Variants in ANKS1B observed in about 807,000 individuals in gnomAD.
ANKS1B encodes ankyrin repeat and sterile alpha motif domain containing 1B.
Under a neutral mutation model 148.3 loss-of-function variants are expected in ANKS1B, and 36 were observed. That is an observed-to-expected ratio of 0.24 (90% confidence interval 0.19 to 0.32). ANKS1B has a LOEUF of 0.32. Ranked by LOEUF, ANKS1B falls within the 10% of genes least tolerant of loss-of-function variation. The pLI is 1.00. For synonymous variants in ANKS1B, 542 were observed against 560.8 expected (o/e 0.97, Z 0.47); for missense variants, 1,157 against 1,542.6 (o/e 0.75, Z 4.19).
intron 17 of ANKS1B, among the ~76,000 whole-genome samples, chr12:98,885,289 T>A (rs1264280034): frequency 6.6e-6 from 1 of 152,090 alleles, no homozygotes; most frequent in Non-Finnish European, 1.5e-5. Context: ...ATAATAAACT[T>A]CAAAACTGGC....
intron 14 of ANKS1B, among the ~76,000 whole-genome samples, chr12:99,157,016 T>C (rs1566508798): frequency 6.6e-6 from 1 of 152,220 alleles, no homozygotes; most frequent in Non-Finnish European, 1.5e-5. Context: ...GTCTGTCTTT[T>C]AGCTCATCAT....
intron 17 of ANKS1B, among the ~76,000 whole-genome samples, chr12:98,833,417 G>T (rs998035500): frequency 2.6e-5 from 4 of 152,112 alleles, no homozygotes; most frequent in African/African-American, 9.7e-5. Context: ...ATAAAAATGT[G>T]TTTACCTCTT....
rs1427966419 is a variant in ANKS1B at position 99,660,256 on chromosome 12, T to C, written c.1129-5046A>G. On this transcript the variant is annotated intron_variant, in intron 8 of 26. Transcript: ENST00000683438. ...CATTCAGTGGGTGTACTTCCAGACT[T>C]TGTAATACTTACTCTACTTGCCTGA... Among the ~76,000 whole-genome samples, 3 of 152,336 alleles carry C rather than the reference T, an allele frequency of 2.0e-5. No homozygotes were observed. In the East Asian group the frequency reaches 5.8e-4, roughly 29 times the overall value.
At chr12:98,894,610 G>A in intron 17 of ANKS1B, 1 of 984,954 alleles carries the variant, frequency 1.0e-6, no homozygotes, top group Non-Finnish European at 1.2e-6. Context: ...GAGCGAGGGG[G>A]CCGCTGTGCC....
Position 98,884,180 on chromosome 12 carries a change from C to T in ANKS1B, c.2779-52044G>A, listed in dbSNP as rs577363314. Among the ~76,000 whole-genome samples the T allele has an allele frequency of 1.2e-4, 18 of 152,304 alleles. No homozygotes were observed. The East Asian group carries it at 3.3e-3, about 28-fold the overall frequency. On this transcript the variant is annotated intron_variant, in intron 17 of 26. Transcript: ENST00000683438. Reference sequence around the variant, plus strand: ...AGTCAAAATGGTATCCCAAAGGAAACACTTTACTAGTGTTAGTGTATAGAC... The same window carrying T: ...AGTCAAAATGGTATCCCAAAGGAAATACTTTACTAGTGTTAGTGTATAGAC...
chr12:99,372,736 T>A lies in ANKS1B; in HGVS notation c.1756+26895A>T, dbSNP rs547647191. Among the ~76,000 whole-genome samples, 7 of 152,296 alleles carry A rather than the reference T, an allele frequency of 4.6e-5. No individual in the cohort carries two copies. The South Asian group carries it at 1.4e-3, about 32-fold the overall frequency. On this transcript the variant is annotated intron_variant, in intron 12 of 26. Coordinates refer to ENST00000683438, the MANE Select transcript of ANKS1B (RefSeq NM_001352186.2). ...CAATTTCTGGCTCTGCATAAAATGTTACTGCAAAAGTACACTGTGTCAAGT... is the reference window on the plus strand; with the variant it reads ...CAATTTCTGGCTCTGCATAAAATGTAACTGCAAAAGTACACTGTGTCAAGT...
chr12:99,273,884 C>CT (rs923408131), intron 12 of ANKS1B, among the ~76,000 whole-genome samples: 4 of 151,962 alleles, frequency 2.6e-5, no homozygotes, highest in Non-Finnish European at 4.4e-5. Flanking sequence ...GGCACCCGGC[C>CT]TTTTTTGTGA....
At chr12:99,978,299 T>C (rs1419798613) in intron 1 of ANKS1B, among the ~76,000 whole-genome samples, 2 of 152,212 alleles carry the variant, frequency 1.3e-5, no homozygotes, top group African/African-American at 4.8e-5. Flanking sequence ...AGTCACTGGC[T>C]GGCTGCCCTA....
At chr12:99,689,876 C>T (rs1477281619) in intron 8 of ANKS1B, among the ~76,000 whole-genome samples, 1 of 152,218 alleles carries the variant, frequency 6.6e-6, no homozygotes, top group Non-Finnish European at 1.5e-5. Context: ...TAAAAGACAA[C>T]TTGATTGCAG....
intron 12 of ANKS1B, among the ~76,000 whole-genome samples, chr12:99,390,916 G>T (rs762508409): frequency 3.9e-5 from 6 of 152,198 alleles, no homozygotes; most frequent in Non-Finnish European, 8.8e-5. Flanking sequence ...GACTCAGAGG[G>T]ACCACTTTGC....
intron 14 of ANKS1B, among the ~76,000 whole-genome samples, chr12:99,235,048 G>C (rs906795731): frequency 2.0e-5 from 3 of 152,090 alleles, no homozygotes; most frequent in Non-Finnish European, 4.4e-5. Context: ...ATTCTTTGGG[G>C]ACTGAGTCTC....
chr12:99,928,524 C>T (rs1406752822), intron 1 of ANKS1B, among the ~76,000 whole-genome samples: 1 of 151,660 alleles, frequency 6.6e-6, no homozygotes, highest in African/African-American at 2.4e-5. Flanking sequence ...ATGATCCACC[C>T]GCCTCGGCCT....
At position 99,129,799 on chromosome 12, in the gene ANKS1B, T is replaced by C. The variant is rs533379682; in HGVS notation, c.2526+24490A>G. On this transcript the variant is annotated intron_variant, in intron 15 of 26. Transcript: ENST00000683438. ...TGATCTTTCCATTTAAGACTATCTA[T>C]TACCATTCATCTCTTCAACATTTGA... Among the ~76,000 whole-genome samples, 29 of 152,314 alleles carry C rather than the reference T, an allele frequency of 1.9e-4. No individual in the cohort carries two copies. The South Asian group carries it at 6.0e-3, about 32-fold the overall frequency.
intron 8 of ANKS1B, among the ~76,000 whole-genome samples, chr12:99,682,267 G>T (rs1013659079): frequency 1.3e-5 from 2 of 152,122 alleles, no homozygotes; most frequent in Non-Finnish European, 2.9e-5. Context: ...GGACTTAACA[G>T]ATATTTGCAG....
intron 15 of ANKS1B, among the ~76,000 whole-genome samples, chr12:99,140,910 A>G (rs940610932): frequency 4.6e-5 from 7 of 152,144 alleles, no homozygotes; most frequent in African/African-American, 1.7e-4. Context: ...ACATCCTTAC[A>G]GCATTATTCA....
At chr12:98,745,891 G>T in intron 26 of ANKS1B, 42 bp from the exon 27 acceptor site, 4 of 1,580,792 alleles carry the variant, frequency 2.5e-6, no homozygotes, top group Non-Finnish European at 2.6e-6. Flanking sequence ...CGGTCGCCGC[G>T]CGGGTGCGCG....
chr12:99,904,770 GT>G (rs2093722567), intron 1 of ANKS1B, among the ~76,000 whole-genome samples: 1 of 152,150 alleles, frequency 6.6e-6, no homozygotes, highest in Non-Finnish European at 1.5e-5. Context: ...TTTTTTAAAT[GT>G]TGTCCTAGTA....
intron 12 of ANKS1B, among the ~76,000 whole-genome samples, chr12:99,368,427 A>G (rs2092906395): frequency 6.6e-6 from 1 of 152,110 alleles, no homozygotes; most frequent in African/African-American, 2.4e-5. Context: ...GTATTTAAAA[A>G]TAGTTTTGTT....
intron 15 of ANKS1B, among the ~76,000 whole-genome samples, chr12:99,124,003 G>C (rs902470377): frequency 6.6e-6 from 1 of 152,202 alleles, no homozygotes; most frequent in Non-Finnish European, 1.5e-5. Flanking sequence ...AAATCAGACA[G>C]GAAGAGATGA....
Sources: gnomAD v4.1 joint callset for allele counts (sites outside exome capture counted in the v4.1 genomes callset) on GRCh38, gnomAD v4.1.1 for gene constraint, MANE v1.5 for transcripts, NCBI Gene and HGNC (gene_info 2026-07-23, HGNC 2026-07-21) for gene names.